SMAD2: variants seen among roughly 807,000 people sequenced by gnomAD.
SMAD2 encodes SMAD family member 2, also known as MAD homolog 2.
Under a neutral mutation model 64.4 loss-of-function variants are expected in SMAD2, and 8 were observed. The ratio of observed to expected loss-of-function variants is 0.12; its 90% CI spans 0.07 to 0.22. SMAD2 has a LOEUF of 0.22. SMAD2 is among the 10% of genes least tolerant of loss of function. The probability of loss-of-function intolerance (pLI) is 1.00; values close to 1 mark genes in which losing one functional copy is unlikely to be tolerated. For missense variants in SMAD2, 289 were observed against 561.2 expected (o/e 0.51, Z 4.90); for synonymous variants, 203 against 195.8 (o/e 1.04, Z -0.31).
rs998325489 is a variant in SMAD2, at chr18:47,830,888, A to G, written c.*10939T>C. ...ATCCACATATATACAAAACTCTGCT[A>G]AAATTCCAATGGCTTCTCTAGATGA... On this transcript the variant is annotated 3_prime_UTR_variant, in exon 11 of 11. Coordinates refer to ENST00000262160, the MANE Select transcript of SMAD2 (RefSeq NM_005901.6). 3.9e-5 allele frequency: 6 copies of G among 154,810 alleles called. No individual in the cohort carries two copies. Among genetic ancestry groups the G allele is most frequent in the African/African-American group, 1.4e-4 (6 of 41,540 alleles). The allele number at this position is 154,810 out of a possible 1,614,324, so 9.6% of individuals were successfully genotyped here.
chr18:47,899,724 T>C (rs1477182135), intron 1 of SMAD2, among the ~76,000 whole-genome samples: 1 of 152,184 alleles, frequency 6.6e-6, no homozygotes, highest in Middle Eastern at 3.2e-3. Context: ...AGGATTAGAA[T>C]GACACATTTA....
At chr18:47,864,932 G>A (rs1267178942) in intron 6 of SMAD2, 127 bp downstream of exon 6, 2 of 680,788 alleles carry the variant, frequency 2.9e-6, no homozygotes, top group East Asian at 2.7e-5. Context: ...AATCAAGATA[G>A]AAGATCATCT....
At chr18:47,869,167 G>GAATTAAGTAC (rs2031776267) in intron 4 of SMAD2, 76 bp downstream of exon 4, 1 of 1,059,558 alleles carries the variant, frequency 9.4e-7, no homozygotes. Flanking sequence ...ATTTTCCTGG[G>GAATTAAGTAC]TCACAAGAGT....
intron 2 of SMAD2, among the ~76,000 whole-genome samples, chr18:47,890,840 A>C (rs1245736195): frequency 1.3e-5 from 2 of 152,260 alleles, no homozygotes; most frequent in Non-Finnish European, 2.9e-5. Context: ...GAATGGAAGA[A>C]TACTACAGTT....
chr18:47,928,343 C>T (rs1371469020), intron 1 of SMAD2, among the ~76,000 whole-genome samples: 1 of 152,158 alleles, frequency 6.6e-6, no homozygotes, highest in Non-Finnish European at 1.5e-5. Context: ...CTTTGGCCAG[C>T]GGTTTACACA....
At position 47,828,414 on chromosome 18, in the gene SMAD2, C is replaced by A. The variant is rs1555639749; in HGVS notation, c.*13413G>T. On this transcript the variant is annotated 3_prime_UTR_variant, in exon 11 of 11. Coordinates refer to ENST00000262160, the MANE Select transcript of SMAD2 (RefSeq NM_005901.6). ...AGTGAGGAGCCCCTCTGCCCGGCCG[C>A]CACCCTGTCTGGGAGGTGTACCCAA... 5 of 161,320 alleles carry A rather than the reference C, an allele frequency of 3.1e-5. No individual in the cohort carries two copies. The highest frequency in any genetic ancestry group is 6.6e-5 in the Non-Finnish European group (5 of 75,620). The allele number at this position is 161,320 out of a possible 1,614,324, so 10.0% of individuals were successfully genotyped here.
chr18:47,920,797 A>T (rs1035430639), intron 1 of SMAD2, among the ~76,000 whole-genome samples: 6 of 152,242 alleles, frequency 3.9e-5, no homozygotes, highest in African/African-American at 1.4e-4. Context: ...AAACGAAGTT[A>T]TTTGTTGTAG....
Position 47,846,105 on chromosome 18 carries a change from T to C in SMAD2, c.998-305A>G, listed in dbSNP as rs138072584. On this transcript the variant is annotated intron_variant, in intron 8 of 10. Coordinates refer to ENST00000262160, the MANE Select transcript of SMAD2 (RefSeq NM_005901.6). ...GATATATATTAAGATAAGTAAAAGA[T>C]TGAGTTAATTTTGAAGGAATTCACT... Among the ~76,000 whole-genome samples, 195 of 152,212 alleles carry C rather than the reference T, an allele frequency of 1.3e-3. 1 individual carries two copies. In the East Asian group the frequency reaches 0.028, roughly 22 times the overall value.
chr18:47,846,615 T>C (rs1056265038), intron 8 of SMAD2, among the ~76,000 whole-genome samples: 3 of 152,176 alleles, frequency 2.0e-5, no homozygotes, highest in African/African-American at 7.2e-5. Context: ...ACATTCTCCA[T>C]TGCTGACTTT....
At chr18:47,879,619 T>G (rs765618475) in intron 2 of SMAD2, among the ~76,000 whole-genome samples, 3 of 152,076 alleles carry the variant, frequency 2.0e-5, no homozygotes, top group African/African-American at 7.2e-5. Flanking sequence ...TTAATTATTG[T>G]GAATAAAGTT....
At chr18:47,906,259 T>C (rs2033899910) in intron 1 of SMAD2, among the ~76,000 whole-genome samples, 1 of 152,182 alleles carries the variant, frequency 6.6e-6, no homozygotes, top group Non-Finnish European at 1.5e-5. Context: ...CATTGTACTA[T>C]ACAGCTATAA....
chr18:47,883,011 A>G (rs1179043890), intron 2 of SMAD2, among the ~76,000 whole-genome samples: 1 of 152,076 alleles, frequency 6.6e-6, no homozygotes, highest in Non-Finnish European at 1.5e-5. Flanking sequence ...CTTTTTCTTG[A>G]TCAGTCTAAC....
At chr18:47,906,517 A>G (rs1197469758) in intron 1 of SMAD2, among the ~76,000 whole-genome samples, 1 of 152,228 alleles carries the variant, frequency 6.6e-6, no homozygotes, top group East Asian at 1.9e-4. Flanking sequence ...CCATAATGCA[A>G]TACCATTTCA....
chr18:47,868,469 C>CAAG lies in SMAD2; in HGVS notation c.521-15_521-13dup, dbSNP rs1322032471. On this transcript the variant is annotated splice_polypyrimidine_tract_variant and intron_variant, in intron 4 of 10. Coordinates refer to ENST00000262160, the MANE Select transcript of SMAD2 (RefSeq NM_005901.6). ...TACTGGAGGCAAAACTGAAAAAGTT[C>CAAG]AAGAAATCCAAGTTAATGGCAAAGA... 2 of 1,609,144 alleles carry CAAG rather than the reference C, an allele frequency of 1.2e-6. No individual in the cohort carries two copies. The highest frequency in any genetic ancestry group is 1.7e-6 in the Non-Finnish European group (2 of 1,177,770).
intron 2 of SMAD2, among the ~76,000 whole-genome samples, chr18:47,883,309 G>C (rs182051511): frequency 6.6e-6 from 1 of 152,250 alleles, no homozygotes; most frequent in East Asian, 1.9e-4. Flanking sequence ...ATTCTTAACA[G>C]ATGTCTTATT....
chr18:47,919,366 C>T (rs1249437646), intron 1 of SMAD2, among the ~76,000 whole-genome samples: 3 of 117,800 alleles, frequency 2.5e-5, no homozygotes, highest in Non-Finnish European at 5.6e-5. Context: ...AAAAGGAATA[C>T]GATCTACACT....
chr18:47,929,738 G>A (rs887708229), intron 1 of SMAD2, among the ~76,000 whole-genome samples: 1 of 152,180 alleles, frequency 6.6e-6, no homozygotes, highest in African/African-American at 2.4e-5. Flanking sequence ...AAAAGTACCT[G>A]ACCCAAAGAC....
chr18:47,905,637 T>A (rs142227862), intron 1 of SMAD2, among the ~76,000 whole-genome samples: 1 of 152,310 alleles, frequency 6.6e-6, no homozygotes, highest in African/African-American at 2.4e-5. Context: ...TACAGTCAAC[T>A]CATTTTCCAG....
At chr18:47,843,551 A>T (rs1277326449) in intron 10 of SMAD2, among the ~76,000 whole-genome samples, 2 of 152,246 alleles carry the variant, frequency 1.3e-5, no homozygotes, top group Non-Finnish European at 2.9e-5. Context: ...GACATTAAGG[A>T]AATTTAAAAA....
Sources: allele counts gnomAD v4.1 joint callset (sites outside exome capture counted in the v4.1 genomes callset), GRCh38; gene constraint gnomAD v4.1.1; transcripts MANE v1.5; gene names NCBI Gene and HGNC (gene_info 2026-07-23, HGNC 2026-07-21).